USP49: variants seen among roughly 807,000 people sequenced by gnomAD.
USP49 encodes ubiquitin carboxyl-terminal hydrolase 49.
USP49 carries 24 observed loss-of-function variants against 58.6 expected under a neutral mutation model. That is an observed-to-expected ratio of 0.41 (90% confidence interval 0.30 to 0.58). USP49 has a LOEUF of 0.58. Ranked by LOEUF, USP49 falls within the 20% of genes least tolerant of loss-of-function variation. USP49 has a pLI of 0.30. For synonymous variants in USP49, 408 were observed against 365.1 expected, an observed-to-expected ratio of 1.12 and a Z score of -1.34; for missense variants, 703 against 866.1, an observed-to-expected ratio of 0.81 and a Z score of 2.36.
chr6:41,799,013 CTG>C (rs1310325510), intron 6 of USP49, 84 bp from the exon 7 acceptor site: 141 of 1,493,084 alleles, frequency 9.4e-5, no homozygotes, highest in South Asian at 4.4e-4. Context: ...AAACAGGAAA[CTG>C]AGAAAATTTA....
chr6:41,844,516 T>C (rs1050601364), intron 3 of USP49, among the ~76,000 whole-genome samples: 1 of 152,098 alleles, frequency 6.6e-6, no homozygotes, highest in Non-Finnish European at 1.5e-5. Flanking sequence ...GGTTTCACTC[T>C]GTTGGCCAGG....
At chr6:41,843,800 T>G (rs1216068900) in intron 3 of USP49, among the ~76,000 whole-genome samples, 1 of 151,920 alleles carries the variant, frequency 6.6e-6, no homozygotes, top group African/African-American at 2.4e-5. Context: ...TCTCAGCACT[T>G]TGGGAAGCTG....
chr6:41,848,961 A>G (rs1379950148), intron 3 of USP49, among the ~76,000 whole-genome samples: 1 of 152,144 alleles, frequency 6.6e-6, no homozygotes, highest in African/African-American at 2.4e-5. Context: ...GGCCTGCCAA[A>G]GTGTTGGAAT....
intron 3 of USP49, among the ~76,000 whole-genome samples, chr6:41,857,805 T>C (rs1460181389): frequency 6.6e-6 from 1 of 152,234 alleles, no homozygotes; most frequent in Non-Finnish European, 1.5e-5. Flanking sequence ...CTGTTATTGT[T>C]ATCTCTGTAA....
intron 2 of USP49, chr6:41,874,239 ACTGGTGT>A (rs1020448534): frequency 6.6e-6 from 1 of 152,202 alleles, no homozygotes; most frequent in African/African-American, 2.4e-5. Flanking sequence ...ACTTCACAGC[ACTGGTGT>A]AGGGATTAAA....
intron 3 of USP49, among the ~76,000 whole-genome samples, chr6:41,850,739 G>A (rs111279768): frequency 2.6e-3 from 392 of 151,526 alleles, no homozygotes; most frequent in African/African-American, 8.4e-3. Flanking sequence ...TGAGTAGCTG[G>A]GACTGCAGGT....
chr6:41,798,932 A>G lies in USP49; in HGVS notation c.1671-3T>C. ...CTCGATGATTACGGCCAGACCACCTAGAACATGGATATAAGCTTGTTACTA... is the reference window on the plus strand; with the variant it reads ...CTCGATGATTACGGCCAGACCACCTGGAACATGGATATAAGCTTGTTACTA... On this transcript the variant is annotated splice_polypyrimidine_tract_variant and splice_region_variant and intron_variant, in intron 6 of 7. Coordinates refer to ENST00000682992, the MANE Select transcript of USP49 (RefSeq NM_001286554.2). The G allele has an allele frequency of 1.2e-6, 2 of 1,613,738 alleles. No individual in the cohort carries two copies. The highest frequency in any genetic ancestry group is 8.5e-7 in the Non-Finnish European group (1 of 1,179,874).
intron 3 of USP49, among the ~76,000 whole-genome samples, chr6:41,809,912 G>A (rs2127326197): frequency 6.6e-6 from 1 of 151,766 alleles, no homozygotes; most frequent in East Asian, 2.0e-4. Context: ...AGCATTTTGG[G>A]AGGCCGAGGA....
At chr6:41,858,204 G>A (rs1774163417) in intron 3 of USP49, among the ~76,000 whole-genome samples, 1 of 152,092 alleles carries the variant, frequency 6.6e-6, no homozygotes, top group Non-Finnish European at 1.5e-5. Flanking sequence ...CCATTCTATG[G>A]TGAGAGACTT....
intron 3 of USP49, among the ~76,000 whole-genome samples, chr6:41,824,605 C>G (rs946725214): frequency 6.6e-6 from 1 of 152,050 alleles, no homozygotes; most frequent in South Asian, 2.1e-4. Context: ...ACTCGGGAGA[C>G]TAAGGAAGGA....
chr6:41,894,489 T>A (rs560063611), intron 1 of USP49: 1 of 152,412 alleles, frequency 6.6e-6, no homozygotes, highest in African/African-American at 2.4e-5. Flanking sequence ...ACCCATTCCT[T>A]TCTCAGAACC....
chr6:41,803,740 C>T lies in USP49; in HGVS notation c.1561+66G>A. ...TTACTTTTGACTAAAGAGGACAAAGCAGCACCTTAAACTGATATTCCAATT... is the reference window on the plus strand; with the variant it reads ...TTACTTTTGACTAAAGAGGACAAAGTAGCACCTTAAACTGATATTCCAATT... On this transcript the variant is annotated intron_variant, in intron 5 of 7. Coordinates refer to ENST00000682992, the MANE Select transcript of USP49 (RefSeq NM_001286554.2). The surrounding 1 kb of genome is among the most constrained non-coding windows in gnomAD (Gnocchi z 4.1). 3 of 1,541,262 alleles carry T rather than the reference C, an allele frequency of 1.9e-6. No individual in the cohort carries two copies. The highest frequency in any genetic ancestry group is 2.7e-6 in the Non-Finnish European group (3 of 1,117,514).
At chr6:41,884,305 G>A (rs897496184) in intron 2 of USP49, among the ~76,000 whole-genome samples, 3 of 152,176 alleles carry the variant, frequency 2.0e-5, no homozygotes, top group Non-Finnish European at 2.9e-5. Flanking sequence ...TTACAGGCGT[G>A]AGCCACCGCG....
At chr6:41,844,030 G>A (rs1215831491) in intron 3 of USP49, among the ~76,000 whole-genome samples, 1 of 151,446 alleles carries the variant, frequency 6.6e-6, no homozygotes, top group African/African-American at 2.4e-5. Flanking sequence ...GGCAACAAGA[G>A]CGAAAATCCA....
intron 3 of USP49, among the ~76,000 whole-genome samples, chr6:41,829,751 T>G (rs1252791780): frequency 1.3e-5 from 2 of 152,240 alleles, no homozygotes; most frequent in African/African-American, 4.8e-5. Context: ...CACCATGTAC[T>G]GTTCTTAACT....
intron 3 of USP49, among the ~76,000 whole-genome samples, chr6:41,870,306 T>C (rs566715823): frequency 9.2e-5 from 14 of 152,278 alleles, no homozygotes; most frequent in African/African-American, 3.1e-4. Context: ...GTCAAGTTAA[T>C]AGTGACTGGT....
chr6:41,866,410 A>AT (rs755097455), intron 3 of USP49, among the ~76,000 whole-genome samples: 64 of 151,930 alleles, frequency 4.2e-4, no homozygotes, highest in Non-Finnish European at 7.2e-4. Context: ...GATGGTAGAG[A>AT]TTTTTTTTGT....
intron 2 of USP49, among the ~76,000 whole-genome samples, chr6:41,882,234 G>A (rs1774621292): frequency 6.6e-6 from 1 of 152,138 alleles, no homozygotes; most frequent in Admixed American, 6.5e-5. Flanking sequence ...ACATTGAGTG[G>A]ACAGGCCCAG....
At chr6:41,858,339 T>C (rs978758729) in intron 3 of USP49, among the ~76,000 whole-genome samples, 4 of 152,208 alleles carry the variant, frequency 2.6e-5, no homozygotes, top group Non-Finnish European at 4.4e-5. Flanking sequence ...TTAAATTAAG[T>C]CACAGCGTTC....
Sources: allele counts gnomAD v4.1 joint callset (sites outside exome capture counted in the v4.1 genomes callset), GRCh38; gene constraint gnomAD v4.1.1; non-coding constraint Gnocchi (gnomAD v3.1); transcripts MANE v1.5; gene names NCBI Gene and HGNC (gene_info 2026-07-23, HGNC 2026-07-21).